SPSB4: variants seen among roughly 807,000 people sequenced by gnomAD.
The protein encoded by SPSB4 is SPRY domain-containing SOCS box protein 4.
In SPSB4, 21 loss-of-function variants were observed where a neutral mutation model predicts 20.9. That is an observed-to-expected ratio of 1.01 (90% CI 0.71 to 1.45). The LOEUF is 1.45. Ranked by LOEUF, SPSB4 falls within the 40% of genes most tolerant of loss-of-function variation. SPSB4 has a pLI of 0.00. For missense variants in SPSB4, 399 were observed against 399.2 expected (o/e 1.00, Z 0.00); for synonymous variants, 207 against 183.8 (o/e 1.13, Z -1.02).
chr3:141,122,911 G>A (rs140449689), intron 2 of SPSB4, among the ~76,000 whole-genome samples: 5 of 152,258 alleles, frequency 3.3e-5, no homozygotes, highest in Admixed American at 6.5e-5. Flanking sequence ...GTGAGGCGAC[G>A]CCCCGTCCTG....
intron 2 of SPSB4, among the ~76,000 whole-genome samples, chr3:141,139,643 T>A (rs1211653872): frequency 6.6e-6 from 1 of 152,238 alleles, no homozygotes; most frequent in Non-Finnish European, 1.5e-5. Context: ...TTCTTTTCTT[T>A]AAGAATGTTG....
At chr3:141,054,023 T>C (rs1274082547) in intron 1 of SPSB4, among the ~76,000 whole-genome samples, 1 of 152,208 alleles carries the variant, frequency 6.6e-6, no homozygotes. Flanking sequence ...TTCCTCCTAG[T>C]TTTTCATACA....
chr3:141,084,038 G>A (rs1416591474), intron 2 of SPSB4, among the ~76,000 whole-genome samples: 7 of 152,130 alleles, frequency 4.6e-5, no homozygotes, highest in Admixed American at 3.9e-4. Context: ...TGTAGAATGC[G>A]GCTAATAATG....
chr3:141,122,650 C>T (rs1179910174), intron 2 of SPSB4, among the ~76,000 whole-genome samples: 3 of 152,222 alleles, frequency 2.0e-5, no homozygotes, highest in Admixed American at 6.5e-5. Flanking sequence ...TCAGCAATGG[C>T]GGACAACCCT....
Position 141,147,408 on chromosome 3 carries a change from A to G in SPSB4, c.*139A>G. ...AGGACACTCAGTTCTTTCAAAGACCAGGATGTGGTACCAACTTTGGAAACG... is the reference window on the plus strand; with the variant it reads ...AGGACACTCAGTTCTTTCAAAGACCGGGATGTGGTACCAACTTTGGAAACG... On this transcript the variant is annotated 3_prime_UTR_variant, in exon 3 of 3. Transcript: ENST00000310546. 7.0e-7 allele frequency: 1 copy of G among 1,425,794 alleles called. No individual in the cohort carries two copies. Among genetic ancestry groups the G allele is most frequent in the East Asian group, 2.3e-5 (1 of 43,112 alleles). The allele number at this position is 1,425,794 out of a possible 1,614,324, so 88.3% of individuals were successfully genotyped here.
chr3:141,117,639 A>C (rs1297044980), intron 2 of SPSB4, among the ~76,000 whole-genome samples: 1 of 152,130 alleles, frequency 6.6e-6, no homozygotes, highest in Non-Finnish European at 1.5e-5. Flanking sequence ...TCCTAATGCT[A>C]TCCCTCCTAT....
intron 2 of SPSB4, chr3:141,115,286 A>C (rs1284061176): frequency 6.6e-6 from 1 of 152,238 alleles, no homozygotes; most frequent in African/African-American, 2.4e-5. Context: ...AGCTGTCCCC[A>C]GTGGCGTTGG....
At chr3:141,092,161 G>T (rs1376140416) in intron 2 of SPSB4, among the ~76,000 whole-genome samples, 1 of 152,138 alleles carries the variant, frequency 6.6e-6, no homozygotes, top group Non-Finnish European at 1.5e-5. Flanking sequence ...TCCCGAGCTG[G>T]GAGACCTGGT....
At chr3:141,100,186 GA>G (rs1276744649) in intron 2 of SPSB4, among the ~76,000 whole-genome samples, 1 of 152,174 alleles carries the variant, frequency 6.6e-6, no homozygotes, top group Non-Finnish European at 1.5e-5. Context: ...GCAGAAAATA[GA>G]CAGAAGTGTT....
chr3:141,101,578 G>A lies in SPSB4; in HGVS notation c.694+34780G>A, dbSNP rs925502304. Among the ~76,000 whole-genome samples the A allele has an allele frequency of 1.4e-4, 21 of 152,122 alleles. No homozygotes were observed. The South Asian group carries it at 1.9e-3, about 14-fold the overall frequency. ...CTGTAAAATGGAGACAATAATCCCCGCCTCGCAAAGTTCTCCTAAGGATTA... is the reference window on the plus strand; with the variant it reads ...CTGTAAAATGGAGACAATAATCCCCACCTCGCAAAGTTCTCCTAAGGATTA... On this transcript the variant is annotated intron_variant, in intron 2 of 2. Coordinates refer to ENST00000310546, the MANE Select transcript of SPSB4 (RefSeq NM_080862.3).
At chr3:141,090,580 T>C (rs1201569383) in intron 2 of SPSB4, among the ~76,000 whole-genome samples, 1 of 152,006 alleles carries the variant, frequency 6.6e-6, no homozygotes, top group East Asian at 1.9e-4. Context: ...AGAAACAGCA[T>C]GTACAAAGGC....
chr3:141,073,298 T>C (rs1432006699), intron 2 of SPSB4, among the ~76,000 whole-genome samples: 1 of 152,250 alleles, frequency 6.6e-6, no homozygotes, highest in Non-Finnish European at 1.5e-5. Flanking sequence ...ATTGCGGTGC[T>C]GAGCTCATCT....
At chr3:141,069,915 G>A (rs965738093) in intron 2 of SPSB4, among the ~76,000 whole-genome samples, 2 of 152,102 alleles carry the variant, frequency 1.3e-5, no homozygotes, top group African/African-American at 2.4e-5. Context: ...TTTTTATTAC[G>A]GTAAAAGCAA....
At chr3:141,055,890 G>C (rs931081266) in intron 1 of SPSB4, among the ~76,000 whole-genome samples, 1 of 152,244 alleles carries the variant, frequency 6.6e-6, no homozygotes. Flanking sequence ...CCCAGGCAGG[G>C]CTGACCAGGG....
intron 2 of SPSB4, among the ~76,000 whole-genome samples, chr3:141,104,942 A>G (rs374864216): frequency 5.9e-5 from 9 of 152,156 alleles, no homozygotes; most frequent in African/African-American, 1.7e-4. Context: ...GAGTACACCC[A>G]AGATCCCACC....
At chr3:141,071,368 TCAGA>T (rs1937999308) in intron 2 of SPSB4, among the ~76,000 whole-genome samples, 1 of 152,082 alleles carries the variant, frequency 6.6e-6, no homozygotes, top group African/African-American at 2.4e-5. Context: ...GAGGGGAGTA[TCAGA>T]CAGAGACAAG....
intron 2 of SPSB4, among the ~76,000 whole-genome samples, chr3:141,100,419 A>G (rs577799216): frequency 6.6e-6 from 1 of 152,306 alleles, no homozygotes; most frequent in East Asian, 1.9e-4. Flanking sequence ...GAATGCAGAG[A>G]CCAGGGAGAT....
At chr3:141,084,017 G>T (rs1025711095) in intron 2 of SPSB4, among the ~76,000 whole-genome samples, 37 of 152,062 alleles carry the variant, frequency 2.4e-4, no homozygotes, top group African/African-American at 8.7e-4. Context: ...CTGCTCTTTG[G>T]CGTCATCATC....
At position 141,066,290 on chromosome 3, in the gene SPSB4, G is replaced by A. The variant is rs765228656; in HGVS notation, c.186G>A (p.Ser62=). 5 of 1,568,580 alleles carry A rather than the reference G, an allele frequency of 3.2e-6. No individual in the cohort carries two copies. The highest frequency in any genetic ancestry group is 1.4e-5 in the African/African-American group (1 of 73,446). Reference sequence around the variant, plus strand: ...ACGCGTGGAACCCCGAGGACCGCTCGCTCAACGTCTTCGTCAAGGACGACG... The same window carrying A: ...ACGCGTGGAACCCCGAGGACCGCTCACTCAACGTCTTCGTCAAGGACGACG... ...LRHAWNPEDR[S]LNVFVKDDDR... The change falls in exon 2 of 3, where the codon TCG becomes TCA. Residue 62 remains serine, a synonymous_variant. Transcript: ENST00000310546.
Sources: gnomAD v4.1 joint callset for allele counts (sites outside exome capture counted in the v4.1 genomes callset) on GRCh38, gnomAD v4.1.1 for gene constraint, MANE v1.5 for transcripts, NCBI Gene and HGNC (gene_info 2026-07-23, HGNC 2026-07-21) for gene names.